PRKAR2A: variants seen among roughly 807,000 people sequenced by gnomAD.
PRKAR2A encodes cAMP-dependent protein kinase type II-alpha regulatory subunit.
Under a neutral mutation model 51.9 loss-of-function variants are expected in PRKAR2A, and 29 were observed. The observed-to-expected ratio is 0.56, with a 90% CI of 0.42 to 0.76. PRKAR2A has a LOEUF of 0.76. Among genes scored for constraint, PRKAR2A ranks in the 30% least tolerant of loss-of-function variants. PRKAR2A has a pLI of 0.00. For missense variants in PRKAR2A, 445 were observed against 512.1 expected (o/e 0.87, Z 1.26); for synonymous variants, 178 against 186.2 (o/e 0.96, Z 0.36).
chr3:48,815,698 A>G (rs568704347), intron 1 of PRKAR2A, among the ~76,000 whole-genome samples: 3 of 138,636 alleles, frequency 2.2e-5, no homozygotes, highest in East Asian at 2.1e-4. Context: ...GTCTCAGCGG[A>G]AAAAAAAAAA....
rs1332726163 is a variant in PRKAR2A, at chr3:48,796,109, A to C, written c.299-2060T>G. 2.6e-5 allele frequency among the ~76,000 whole-genome samples: 4 copies of C among 152,234 alleles called. No individual in the cohort carries two copies. In the East Asian group the frequency reaches 7.7e-4, roughly 29 times the overall value. ...GATTACTGTTTCTCAGAATGAAGCA[A>C]ACCTACTGCCTCTTCACAATACAGG... On this transcript the variant is annotated intron_variant, in intron 2 of 10. Transcript: ENST00000265563.
Position 48,794,056 on chromosome 3 carries a change from T to C in PRKAR2A, c.299-7A>G, listed in dbSNP as rs770346744. The stretch of plus-strand genomic sequence containing the variant: ...TTATAGGTCTCAGCACAGACTAAAA[T>C]TGGAGAGAAAAAAACAAAAAGAATG... On this transcript the variant is annotated splice_region_variant and splice_polypyrimidine_tract_variant and intron_variant, in intron 2 of 10. Transcript: ENST00000265563. The C allele has an allele frequency of 1.9e-6, 3 of 1,593,858 alleles. No homozygotes were observed. Among genetic ancestry groups the C allele is most frequent in the East Asian group, 2.2e-5 (1 of 44,736 alleles).
chr3:48,791,466 T>C (rs577951352), intron 3 of PRKAR2A, among the ~76,000 whole-genome samples: 1 of 148,628 alleles, frequency 6.7e-6, no homozygotes, highest in Non-Finnish European at 1.5e-5. Flanking sequence ...TGGTGGCGCA[T>C]GCCAGTAATC....
chr3:48,841,207 A>T (rs1263358416), intron 1 of PRKAR2A, among the ~76,000 whole-genome samples: 1 of 151,824 alleles, frequency 6.6e-6, no homozygotes, highest in Admixed American at 6.6e-5. Flanking sequence ...ATAATGCTGC[A>T]ATGAGCACTG....
At position 48,749,165 on chromosome 3, in the gene PRKAR2A, T is replaced by C. The variant is rs1040140940; in HGVS notation, c.*2420A>G. On this transcript the variant is annotated 3_prime_UTR_variant, in exon 11 of 11. Coordinates refer to ENST00000265563, the MANE Select transcript of PRKAR2A (RefSeq NM_004157.4). ...GTTAAAAAGAAACAAAAAATCATAT[T>C]GGAAATGGCCTCTTGGTTTAATATA... The C allele has an allele frequency of 3.3e-5, 5 of 152,180 alleles. No individual in the cohort carries two copies. The highest frequency in any genetic ancestry group is 1.2e-4 in the African/African-American group (5 of 41,446). The allele number at this position is 152,180 out of a possible 1,614,324, so 9.4% of individuals were successfully genotyped here.
chr3:48,839,326 C>T (rs920716995), intron 1 of PRKAR2A, among the ~76,000 whole-genome samples: 4 of 146,370 alleles, frequency 2.7e-5, no homozygotes, highest in Non-Finnish European at 6.0e-5. Flanking sequence ...CGGCTGCACA[C>T]AGATATGAAA....
At chr3:48,845,899 T>C (rs1219280575) in intron 1 of PRKAR2A, among the ~76,000 whole-genome samples, 1 of 151,760 alleles carries the variant, frequency 6.6e-6, no homozygotes, top group East Asian at 1.9e-4. Context: ...TGAGCCCTGA[T>C]TGTGCCACTA....
Position 48,817,692 on chromosome 3 carries a change from AGATAAT to A in PRKAR2A, c.263-10014_263-10009del, listed in dbSNP as rs1333625573. ...AATAAATAAATAAAAATAAAAAATA[AGATAAT>A]AATAATAAAATAAACCAAGTAAGGA... is the stretch of plus-strand genomic sequence containing the variant. On this transcript the variant is annotated intron_variant, in intron 1 of 10. Coordinates refer to ENST00000265563, the MANE Select transcript of PRKAR2A (RefSeq NM_004157.4). Among the ~76,000 whole-genome samples the A allele has an allele frequency of 1.1e-3, 163 of 150,104 alleles. No homozygotes were observed. The Middle Eastern group carries it at 0.017, about 16-fold the overall frequency.
At chr3:48,760,198 T>TA (rs990059682) in intron 8 of PRKAR2A, among the ~76,000 whole-genome samples, 35 of 150,872 alleles carry the variant, frequency 2.3e-4, no homozygotes, top group African/African-American at 5.1e-4. Flanking sequence ...CTACTAAAAA[T>TA]AAAAAAAAAT....
chr3:48,756,146 A>G (rs1396415844), intron 9 of PRKAR2A, among the ~76,000 whole-genome samples: 1 of 152,186 alleles, frequency 6.6e-6, no homozygotes, highest in East Asian at 1.9e-4. Flanking sequence ...TATTCCCTAA[A>G]TCATTAATTA....
chr3:48,825,390 T>C (rs2083046944), intron 1 of PRKAR2A, among the ~76,000 whole-genome samples: 1 of 152,154 alleles, frequency 6.6e-6, no homozygotes, highest in African/African-American at 2.4e-5. Flanking sequence ...GATCCACATG[T>C]CTACTGCATC....
At chr3:48,785,819 G>A (rs1038717434) in intron 4 of PRKAR2A, among the ~76,000 whole-genome samples, 2 of 152,060 alleles carry the variant, frequency 1.3e-5, no homozygotes, top group African/African-American at 4.8e-5. Context: ...CTTTTTCTCT[G>A]TACATAAACT....
intron 2 of PRKAR2A, among the ~76,000 whole-genome samples, chr3:48,796,670 G>GTTT (rs11370685): frequency 1.0e-4 from 14 of 136,766 alleles, no homozygotes; most frequent in South Asian, 2.3e-4. Flanking sequence ...TAGAGACGGG[G>GTTT]TTTTTTTTTT....
chr3:48,778,585 T>C (rs1178957022), intron 5 of PRKAR2A, among the ~76,000 whole-genome samples: 1 of 152,124 alleles, frequency 6.6e-6, no homozygotes, highest in African/African-American at 2.4e-5. Flanking sequence ...AGTGGCATGA[T>C]CTCCACTCAC....
chr3:48,839,400 TAA>T (rs201427924), intron 1 of PRKAR2A, among the ~76,000 whole-genome samples: 29 of 117,198 alleles, frequency 2.5e-4, no homozygotes, highest in Admixed American at 2.6e-4. Context: ...AGCTGTTACC[TAA>T]AAAAAAAAAA....
chr3:48,828,493 G>A (rs114182490), intron 1 of PRKAR2A, among the ~76,000 whole-genome samples: 4,573 of 151,928 alleles, frequency 0.03, 117 homozygotes, highest in Non-Finnish European at 0.043. Flanking sequence ...TGAGGCAGGA[G>A]AATTGCTTGA....
In PRKAR2A at chr3:48,750,927, GC is replaced by G. The variant is rs1453760633; in HGVS notation, c.*657del. ...ATGGGTCCCACGGACCTATCAGTCT[GC>G]TCTGGGGTGCTGACCTGCTGGGTCC... is the stretch of plus-strand genomic sequence containing the variant. On this transcript the variant is annotated 3_prime_UTR_variant, in exon 11 of 11. Coordinates refer to ENST00000265563, the MANE Select transcript of PRKAR2A (RefSeq NM_004157.4). 5 of 172,282 alleles carry G rather than the reference GC, an allele frequency of 2.9e-5. No homozygotes were observed. Among genetic ancestry groups the G allele is most frequent in the Non-Finnish European group, 6.2e-5 (5 of 80,258 alleles). 10.7% of individuals were successfully genotyped at this position (172,282 alleles called of 1,614,324 possible).
At position 48,751,677 on chromosome 3, in the gene PRKAR2A, T is replaced by C; in HGVS notation, c.1123A>G (p.Met375Val). 2.5e-6 allele frequency: 4 copies of C among 1,613,968 alleles called. No homozygotes were observed. Among genetic ancestry groups the C allele is most frequent in the Non-Finnish European group, 3.4e-6 (4 of 1,179,824 alleles). Reference protein sequence around the residue: ...QAFERLLGPCMDIMKRNISHY... With the variant: ...QAFERLLGPCVDIMKRNISHY... ...GAGATGTTCCTCTTCATGATGTCCA[T>C]GCAGGGCCCCAGAAGCCTCTCGAAT... is the stretch of plus-strand genomic sequence containing the variant. Residue 375 changes from methionine (M) to valine (V), a missense_variant, in exon 11 of 11, where the codon ATG becomes GTG. Physicochemically the swap from Met to Val is conservative, Grantham distance 21. Transcript: ENST00000265563.
At chr3:48,832,092 G>A (rs944720412) in intron 1 of PRKAR2A, among the ~76,000 whole-genome samples, 1 of 151,958 alleles carries the variant, frequency 6.6e-6, no homozygotes, top group African/African-American at 2.4e-5. Context: ...TCAGGAGTTC[G>A]AGACCAGCCT....
Sources: allele counts gnomAD v4.1 joint callset (sites outside exome capture counted in the v4.1 genomes callset), GRCh38; gene constraint gnomAD v4.1.1; transcripts MANE v1.5; gene names NCBI Gene and HGNC (gene_info 2026-07-23, HGNC 2026-07-21).